ABCA13: variants seen among roughly 807,000 people sequenced by gnomAD.
The protein encoded by ABCA13 is ATP binding cassette subfamily A member 13, also known as ATP-binding cassette sub-family A member 13.
A neutral mutation model predicts 478.7 loss-of-function variants in ABCA13; 476 were observed. The ratio of observed to expected loss-of-function variants is 0.99; its 90% CI spans 0.92 to 1.07. ABCA13 has a LOEUF of 1.07. Ranked by LOEUF, ABCA13 falls within the 50% of genes least tolerant of loss-of-function variation. The pLI is 0.00. For missense variants in ABCA13, 6,060 were observed against 5,910.6 expected, an observed-to-expected ratio of 1.03 and a Z score of -0.83; for synonymous variants, 2,252 against 2,158.9, an observed-to-expected ratio of 1.04 and a Z score of -1.20.
intron 23 of ABCA13, among the ~76,000 whole-genome samples, chr7:48,307,192 AT>A (rs1310787094): frequency 6.6e-6 from 1 of 152,170 alleles, no homozygotes; most frequent in Admixed American, 6.5e-5. Context: ...AGGTGATATC[AT>A]CATTATGTGA....
chr7:48,392,214 C>T, intron 38 of ABCA13, 75 bp downstream of exon 38: 2 of 1,385,616 alleles, frequency 1.4e-6, no homozygotes, highest in Non-Finnish European at 2.0e-6. Context: ...TAGAAAGAGA[C>T]ACTTAAAAAA....
chr7:48,589,615 ATACAGCATCGTTATC>A (rs1450009680), intron 57 of ABCA13, among the ~76,000 whole-genome samples: 2 of 152,210 alleles, frequency 1.3e-5, no homozygotes, highest in African/African-American at 4.8e-5. Context: ...CAAATATGTA[ATACAGCATCGTTATC>A]TACAGTCCCT....
At chr7:48,212,914 A>G (rs1305869579) in intron 3 of ABCA13, among the ~76,000 whole-genome samples, 1 of 152,090 alleles carries the variant, frequency 6.6e-6, no homozygotes, top group Non-Finnish European at 1.5e-5. Flanking sequence ...AGCAAGGGTT[A>G]TTTTGATAAA....
At chr7:48,358,025 C>T (rs1383654045) in intron 31 of ABCA13, among the ~76,000 whole-genome samples, 2 of 151,066 alleles carry the variant, frequency 1.3e-5, no homozygotes, top group Admixed American at 6.6e-5. Flanking sequence ...GTCTGTAATC[C>T]CAGCTACTCG....
intron 3 of ABCA13, among the ~76,000 whole-genome samples, chr7:48,210,082 T>C (rs181560008): frequency 6.6e-6 from 1 of 152,310 alleles, no homozygotes; most frequent in Admixed American, 6.5e-5. Flanking sequence ...TGAAGAAATA[T>C]CCAAGACTGG....
At chr7:48,439,286 CA>C (rs1337127838) in intron 42 of ABCA13, among the ~76,000 whole-genome samples, 10 of 152,070 alleles carry the variant, frequency 6.6e-5, no homozygotes, top group Non-Finnish European at 1.5e-4. Flanking sequence ...TTGAGGTGCC[CA>C]TTTTTTGGCT....
At position 48,227,328 on chromosome 7, in the gene ABCA13, T is replaced by C. The variant is rs1327690336; in HGVS notation, c.535T>C (p.Trp179Arg). The C allele has an allele frequency of 6.3e-7, 1 of 1,595,018 alleles. No homozygotes were observed. Among genetic ancestry groups the C allele is most frequent in the Non-Finnish European group, 8.5e-7 (1 of 1,170,844 alleles). The change falls in exon 6 of 62, where the codon TGG (tryptophan) becomes CGG (arginine). Residue 179 changes from tryptophan (W) to arginine (R), a missense_variant. Transcript: ENST00000435803. The stretch of plus-strand genomic sequence containing the variant: ...AAGCCTCCATCAGCAGCCTCATATC[T>C]GGGATTTTCTACTTTTACTGCCGAG... ...LESLHQQPHI[W>R]DFLLLLPRLH...
At chr7:48,557,881 A>G (rs1585800960) in intron 55 of ABCA13, among the ~76,000 whole-genome samples, 1 of 152,078 alleles carries the variant, frequency 6.6e-6, no homozygotes. Flanking sequence ...CTTTGAATAA[A>G]CTTCCTGCCT....
intron 31 of ABCA13, among the ~76,000 whole-genome samples, chr7:48,353,857 G>T (rs907349325): frequency 2.0e-5 from 3 of 151,952 alleles, no homozygotes; most frequent in African/African-American, 4.8e-5. Context: ...TCACTCAGGG[G>T]CTGCCTTGTT....
intron 43 of ABCA13, among the ~76,000 whole-genome samples, chr7:48,462,572 G>A (rs1029560901): frequency 4.6e-5 from 7 of 151,838 alleles, no homozygotes; most frequent in Non-Finnish European, 8.8e-5. Flanking sequence ...GCAGTGGCGT[G>A]ATCTTGGCTC....
rs144218923 is a variant in ABCA13 at position 48,239,270 on chromosome 7, G to T, written c.927G>T (p.Met309Ile). 1,845 of 1,613,930 alleles carry T rather than the reference G, an allele frequency of 1.1e-3. 4 individuals carry two copies. The highest frequency in any genetic ancestry group is 1.5e-3 in the Non-Finnish European group (1,728 of 1,179,854). Residue 309 changes from methionine (M) to isoleucine (I), a missense_variant, in exon 9 of 62, where the codon ATG (methionine) becomes ATT (isoleucine). By Grantham distance (10) the Met-to-Ile change is conservative. Around this residue, in one of 3 missense-constraint regions of ABCA13, gnomAD observed 4,423 missense variants for 4,309.1 expected, o/e 1.03. Transcript: ENST00000435803. ...CCACAGACACTTCCTTGGAGAAGAT[G>T]GTGTGTTCAGTCTTGTCTAGCACAT... ...EIPTDTSLEKMVCSVLSSTSE... is the reference protein window; with the variant it reads ...EIPTDTSLEKIVCSVLSSTSE...
chr7:48,272,704 T>C lies in ABCA13; in HGVS notation c.3038T>C (p.Phe1013Ser), dbSNP rs1795782054. ...CAAAACATCAGTAAAGCATTTGCATTTTTATTTAAGACAGCAGAGGTTCTT... is the reference window on the plus strand; with the variant it reads ...CAAAACATCAGTAAAGCATTTGCATCTTTATTTAAGACAGCAGAGGTTCTT... ...NFQNISKAFA[F>S]LFKTAEVLGG... Residue 1013 changes from phenylalanine (F) to serine (S), a missense_variant, in exon 17 of 62, where the codon TTT (phenylalanine) becomes TCT (serine). Physicochemically the swap from Phe to Ser is radical, Grantham distance 155. Coordinates refer to ENST00000435803, the MANE Select transcript of ABCA13 (RefSeq NM_152701.5). 6.2e-7 allele frequency: 1 copy of C among 1,611,986 alleles called. No homozygotes were observed.
Position 48,275,679 on chromosome 7 carries a change from A to G in ABCA13, c.6013A>G (p.Thr2005Ala). 1.9e-6 allele frequency: 3 copies of G among 1,599,738 alleles called. No homozygotes were observed. The highest frequency in any genetic ancestry group is 2.6e-6 in the Non-Finnish European group (3 of 1,172,166). The change falls in exon 17 of 62, where the codon ACA becomes GCA. Residue 2005 changes from threonine (T) to alanine (A), a missense_variant. Physicochemically the swap from Thr to Ala is moderately conservative, Grantham distance 58 (BLOSUM62 0). Around this residue, in one of 3 missense-constraint regions of ABCA13, gnomAD observed 4,423 missense variants for 4,309.1 expected, o/e 1.03. Transcript: ENST00000435803. The stretch of plus-strand genomic sequence containing the variant: ...TATTATTTCCTCAAATTTGGAAAGG[A>G]CAGTACAATTGATTTCTGAAGACTG... The part of the protein sequence containing the change: ...QNIISSNLER[T>A]VQLISEDWSL...
At chr7:48,594,599 G>C in intron 57 of ABCA13, 111 bp from the exon 58 acceptor site, 1 of 927,130 alleles carries the variant, frequency 1.1e-6, no homozygotes. Context: ...GTGTCTTTTA[G>C]AGCCAGAGCA....
chr7:48,430,003 C>T (rs1241321938), intron 42 of ABCA13, among the ~76,000 whole-genome samples: 2 of 151,976 alleles, frequency 1.3e-5, no homozygotes, highest in Non-Finnish European at 2.9e-5. Flanking sequence ...ATTTTCTTTT[C>T]TTGCAGTGTC....
At chr7:48,344,160 T>TG (rs1259134066) in intron 29 of ABCA13, among the ~76,000 whole-genome samples, 1 of 152,176 alleles carries the variant, frequency 6.6e-6, no homozygotes, top group Non-Finnish European at 1.5e-5. Context: ...TTTTGTCCTC[T>TG]AAGGGATGTG....
intron 1 of ABCA13, among the ~76,000 whole-genome samples, chr7:48,188,480 C>T (rs1329363067): frequency 2.0e-5 from 3 of 152,096 alleles, no homozygotes; most frequent in South Asian, 2.1e-4. Context: ...TATGAGGGGA[C>T]ATTGTTATGG....
At position 48,245,613 on chromosome 7, in the gene ABCA13, G is replaced by GT; in HGVS notation, c.1491+2dup. On this transcript the variant is annotated splice_donor_variant, in intron 12 of 61. Transcript: ENST00000435803. LOFTEE classifies it high-confidence loss of function. ...TGTGTTCTTTTGGGAGCTGAAACAG[G>GT]TAAAGCACAACAAATAATTATAAAT... 6.2e-7 allele frequency: 1 copy of GT among 1,604,610 alleles called. No individual in the cohort carries two copies. The highest frequency in any genetic ancestry group is 8.5e-7 in the Non-Finnish European group (1 of 1,176,914).
At position 48,202,277 on chromosome 7, in the gene ABCA13, C is replaced by T. The variant is rs1016381349; in HGVS notation, c.287+3917C>T. Among the ~76,000 whole-genome samples, 16 of 152,312 alleles carry T rather than the reference C, an allele frequency of 1.1e-4. No individual in the cohort carries two copies. The South Asian group carries it at 3.1e-3, about 30-fold the overall frequency. Reference sequence around the variant, plus strand: ...CCGAATGGTCTGTTTTGACAGGGCGCTGATTGGTGCGTTTATAATCCCTGA... The same window carrying T: ...CCGAATGGTCTGTTTTGACAGGGCGTTGATTGGTGCGTTTATAATCCCTGA... On this transcript the variant is annotated intron_variant, in intron 3 of 61. Transcript: ENST00000435803.
Sources: gnomAD v4.1 joint callset for allele counts (sites outside exome capture counted in the v4.1 genomes callset) on GRCh38, gnomAD v4.1.1 for gene constraint, gnomAD v4.1.1 regional missense constraint, MANE v1.5 for transcripts, NCBI Gene and HGNC (gene_info 2026-07-23, HGNC 2026-07-21) for gene names.